The following GAB2 variants were observed in gnomAD, a reference collection of about 807,000 sequenced individuals.
GAB2 encodes the protein GRB2-associated-binding protein 2.
A neutral mutation model predicts 65.5 loss-of-function variants in GAB2; 26 were observed. The ratio of observed to expected loss-of-function variants is 0.40; its 90% CI spans 0.29 to 0.55. The LOEUF is 0.55. Among genes scored for constraint, GAB2 ranks in the 20% least tolerant of loss-of-function variants. GAB2 has a pLI of 0.53. For synonymous variants in GAB2, 321 were observed against 329.6 expected (o/e 0.97, Z 0.28); for missense variants, 884 against 875.8 (o/e 1.01, Z -0.12).
At chr11:78,292,523 A>G (rs1481678036) in intron 1 of GAB2, among the ~76,000 whole-genome samples, 1 of 152,242 alleles carries the variant, frequency 6.6e-6, no homozygotes, top group African/African-American at 2.4e-5. Context: ...TAGCTCAAAC[A>G]AACACAAAGA....
At chr11:78,292,029 T>TGTGTGAGA (rs10577079) in intron 1 of GAB2, among the ~76,000 whole-genome samples, 1,496 of 105,982 alleles carry the variant, frequency 0.014, 17 homozygotes, top group African/African-American at 0.029. Context: ...TGTGTGTGTG[T>TGTGTGAGA]GAGAGAGAGA....
intron 2 of GAB2, among the ~76,000 whole-genome samples, chr11:78,259,719 A>G (rs1270699805): frequency 6.6e-6 from 1 of 152,078 alleles, no homozygotes. Context: ...CTAATTTATC[A>G]CCACCACCCT....
intron 1 of GAB2, chr11:78,388,199 A>G (rs1856792705): frequency 6.6e-6 from 1 of 151,604 alleles, no homozygotes; most frequent in Admixed American, 6.6e-5. Context: ...TAATTTTTCT[A>G]TTTTTCAGTA....
chr11:78,281,044 C>A, intron 1 of GAB2, 143 bp from the exon 2 acceptor site: 3 of 675,330 alleles, frequency 4.4e-6, no homozygotes, highest in Non-Finnish European at 7.5e-6. Flanking sequence ...ATCTTGAACT[C>A]CTGGGCTCAA....
At chr11:78,357,412 A>G (rs1033166094) in intron 1 of GAB2, among the ~76,000 whole-genome samples, 8 of 152,190 alleles carry the variant, frequency 5.3e-5, no homozygotes, top group African/African-American at 1.9e-4. Context: ...AAATTGACAA[A>G]TGGGATCTAA....
intron 3 of GAB2, among the ~76,000 whole-genome samples, chr11:78,228,090 C>T (rs968689057): frequency 2.0e-5 from 3 of 152,192 alleles, no homozygotes; most frequent in African/African-American, 2.4e-5. Context: ...GCTACTGATA[C>T]GTGCTGTGTG....
At chr11:78,358,811 G>A (rs917744309) in intron 1 of GAB2, among the ~76,000 whole-genome samples, 6 of 152,098 alleles carry the variant, frequency 3.9e-5, no homozygotes, top group African/African-American at 1.4e-4. Flanking sequence ...TATCTTCAAA[G>A]ACTTCACATG....
rs552438434 is a variant in GAB2 at position 78,270,858 on chromosome 11, G to T, written c.376+9743C>A. On this transcript the variant is annotated intron_variant, in intron 2 of 9. Coordinates refer to ENST00000361507, the MANE Select transcript of GAB2 (RefSeq NM_080491.3). ...TGCAACCTCCCAACAACGCTGTGAG[G>T]AGCATCATCTCCATTTTACAGATGA... Among the ~76,000 whole-genome samples the T allele has an allele frequency of 3.9e-5, 6 of 152,336 alleles. No homozygotes were observed. The South Asian group carries it at 1.2e-3, about 32-fold the overall frequency.
chr11:78,292,446 T>C (rs974318809), intron 1 of GAB2, among the ~76,000 whole-genome samples: 1 of 152,200 alleles, frequency 6.6e-6, no homozygotes, highest in African/African-American at 2.4e-5. Flanking sequence ...GGGCAGAAGA[T>C]AGAAGATTCT....
At chr11:78,404,749 C>T (rs1020890714) in intron 1 of GAB2, among the ~76,000 whole-genome samples, 3 of 152,112 alleles carry the variant, frequency 2.0e-5, no homozygotes, top group Non-Finnish European at 4.4e-5. Flanking sequence ...TTATCAGATA[C>T]TGGAAAGGAC....
At chr11:78,390,661 G>A (rs2135063616) in intron 1 of GAB2, among the ~76,000 whole-genome samples, 1 of 152,288 alleles carries the variant, frequency 6.6e-6, no homozygotes, top group Middle Eastern at 3.4e-3. Context: ...CTTTGAGACA[G>A]ATGTCCAATA....
Position 78,246,421 on chromosome 11 carries a change from A to G in GAB2, c.620+3736T>C, listed in dbSNP as rs190633220. Among the ~76,000 whole-genome samples the G allele has an allele frequency of 4.0e-3, 602 of 152,272 alleles. 4 individuals carry two copies. Among genetic ancestry groups the G allele is most frequent in the African/African-American group, 0.014 (566 of 41,554 alleles). ...TTTTCAATATGCTGAGACATTTTGG[A>G]TTACAGATCCTGAATGCTGTGAACA... is the stretch of plus-strand genomic sequence containing the variant. On this transcript the variant is annotated intron_variant, in intron 3 of 9. Transcript: ENST00000361507.
intron 1 of GAB2, among the ~76,000 whole-genome samples, chr11:78,402,903 G>A (rs1410122864): frequency 2.6e-5 from 4 of 152,174 alleles, no homozygotes; most frequent in African/African-American, 9.7e-5. Flanking sequence ...GTATTAGGAG[G>A]TGGGTCCTTT....
At chr11:78,297,281 A>G (rs190900895) in intron 1 of GAB2, among the ~76,000 whole-genome samples, 1 of 151,850 alleles carries the variant, frequency 6.6e-6, no homozygotes, top group Non-Finnish European at 1.5e-5. Context: ...TTATAATAAT[A>G]TATTTTAAAA....
In GAB2 at chr11:78,216,733, T is replaced by C. The variant is rs1864167494; in HGVS notation, c.*2539A>G. ...GGCACACTCAGAACATGCTCACATG[T>C]TTATGGGAGGCTGCAATAGTCTGGG... On this transcript the variant is annotated 3_prime_UTR_variant, in exon 10 of 10. Transcript: ENST00000361507. The C allele has an allele frequency of 1.3e-5, 2 of 152,218 alleles. No homozygotes were observed. The highest frequency in any genetic ancestry group is 2.4e-5 in the African/African-American group (1 of 41,430). 9.4% of individuals were successfully genotyped at this position (152,218 alleles called of 1,614,324 possible).
At chr11:78,270,080 G>A (rs1192885582) in intron 2 of GAB2, among the ~76,000 whole-genome samples, 2 of 152,176 alleles carry the variant, frequency 1.3e-5, no homozygotes, top group African/African-American at 4.8e-5. Context: ...ATAGCACTGA[G>A]CACTTTGGAA....
intron 1 of GAB2, among the ~76,000 whole-genome samples, chr11:78,318,832 G>T (rs375426866): frequency 6.6e-6 from 1 of 152,108 alleles, no homozygotes; most frequent in Non-Finnish European, 1.5e-5. Flanking sequence ...AGAAATAATC[G>T]GAGGCAGCAC....
chr11:78,390,804 C>A (rs1382546691), intron 1 of GAB2, among the ~76,000 whole-genome samples: 1 of 152,166 alleles, frequency 6.6e-6, no homozygotes, highest in East Asian at 1.9e-4. Context: ...TGTAGATATC[C>A]TCTTCTCTCT....
intron 1 of GAB2, among the ~76,000 whole-genome samples, chr11:78,398,524 G>C (rs951087026): frequency 3.3e-5 from 5 of 152,174 alleles, no homozygotes; most frequent in African/African-American, 1.2e-4. Context: ...GATAAGATTT[G>C]AAATTGTGTG....
Sources: allele counts gnomAD v4.1 joint callset (sites outside exome capture counted in the v4.1 genomes callset), GRCh38; gene constraint gnomAD v4.1.1; transcripts MANE v1.5; gene names NCBI Gene and HGNC (gene_info 2026-07-23, HGNC 2026-07-21).